Variants in PACRG observed in about 807,000 individuals in gnomAD.
PACRG encodes parkin coregulated gene protein.
A neutral mutation model predicts 29.7 loss-of-function variants in PACRG; 29 were observed. That is an observed-to-expected ratio of 0.98 (90% CI 0.73 to 1.33). The LOEUF is 1.33. Ranked by LOEUF, PACRG falls within the 40% of genes most tolerant of loss-of-function variation. The pLI is 0.00. For missense variants in PACRG, 279 were observed against 316.2 expected (o/e 0.88, Z 0.89); for synonymous variants, 116 against 118.7 (o/e 0.98, Z 0.15).
At chr6:163,097,050 T>C (rs1335101147) in intron 4 of PACRG, among the ~76,000 whole-genome samples, 2 of 152,162 alleles carry the variant, frequency 1.3e-5, no homozygotes, top group African/African-American at 4.8e-5. Context: ...TCCTTGGCCC[T>C]CTCACATCAT....
chr6:163,197,035 G>C (rs1427689052), intron 4 of PACRG, among the ~76,000 whole-genome samples: 1 of 148,980 alleles, frequency 6.7e-6, no homozygotes, highest in African/African-American at 2.5e-5. Context: ...ATGAAGGAGG[G>C]AGAAAACTGA....
chr6:162,849,189 G>T (rs1291895698), intron 2 of PACRG, among the ~76,000 whole-genome samples: 1 of 152,074 alleles, frequency 6.6e-6, no homozygotes, highest in Non-Finnish European at 1.5e-5. Flanking sequence ...AAGAGTGAAG[G>T]GATGGTTAAA....
chr6:163,169,701 G>A (rs1778978810), intron 4 of PACRG, among the ~76,000 whole-genome samples: 1 of 152,230 alleles, frequency 6.6e-6, no homozygotes, highest in Admixed American at 6.5e-5. Context: ...GTGCTAGGAG[G>A]AGCTGGCCAG....
At chr6:162,785,305 AAGAAAT>A (rs971126503) in intron 1 of PACRG, among the ~76,000 whole-genome samples, 1 of 152,148 alleles carries the variant, frequency 6.6e-6, no homozygotes, top group Non-Finnish European at 1.5e-5. Flanking sequence ...ACTGCACAGA[AAGAAAT>A]AGATAAGTCT....
At chr6:162,873,206 T>TTGTG (rs35191237) in intron 2 of PACRG, among the ~76,000 whole-genome samples, 2,879 of 150,392 alleles carry the variant, frequency 0.019, 87 homozygotes, top group African/African-American at 0.066. Flanking sequence ...GTTTTTCTGT[T>TTGTG]TGTGTGTGTG....
At chr6:162,962,483 T>C (rs1464324932) in intron 2 of PACRG, among the ~76,000 whole-genome samples, 1 of 152,076 alleles carries the variant, frequency 6.6e-6, no homozygotes, top group African/African-American at 2.4e-5. Flanking sequence ...TGTGATAGCA[T>C]TTGGAAGTGG....
In PACRG at chr6:163,016,091, T is replaced by C. The variant is rs184944430; in HGVS notation, c.292-46059T>C. 5 of 152,326 alleles carry C rather than the reference T, an allele frequency of 3.3e-5. No individual in the cohort carries two copies. The East Asian group carries it at 9.7e-4, about 29-fold the overall frequency. The allele number at this position is 152,326 out of a possible 1,614,324, so 9.4% of individuals were successfully genotyped here. ...TCATTTTGTTGCAGGCATTAGGTGA[T>C]AATCTAGGAAGGTCTGGAGACAAGA... is the stretch of plus-strand genomic sequence containing the variant. On this transcript the variant is annotated intron_variant, in intron 2 of 4. Coordinates refer to ENST00000366888, the MANE Select transcript of PACRG (RefSeq NM_001080379.2).
intron 3 of PACRG, 71 bp downstream of exon 3, chr6:163,062,392 A>T (rs1401246067): frequency 3.4e-6 from 5 of 1,475,350 alleles, no homozygotes; most frequent in Non-Finnish European, 4.5e-6. Flanking sequence ...CTAATTAAGC[A>T]ATAAACCATG....
At chr6:162,805,632 G>A (rs895109075) in intron 1 of PACRG, among the ~76,000 whole-genome samples, 1 of 152,122 alleles carries the variant, frequency 6.6e-6, no homozygotes, top group African/African-American at 2.4e-5. Flanking sequence ...TTCAAAATTG[G>A]AGTCAATCTT....
rs143461814 is a variant in PACRG, at chr6:163,054,404, C to G, written c.292-7746C>G. On this transcript the variant is annotated intron_variant, in intron 2 of 4. Transcript: ENST00000366888. ...TCCACAGAACTCGAATATGCTGACA[C>G]CCTGATCTCCAACTTCCAGCCTCCA... is the stretch of plus-strand genomic sequence containing the variant. Among the ~76,000 whole-genome samples, 1,036 of 152,292 alleles carry G rather than the reference C, an allele frequency of 6.8e-3. 7 individuals carry two copies. Among genetic ancestry groups the G allele is most frequent in the Admixed American group, 0.011 (170 of 15,304 alleles).
intron 1 of PACRG, among the ~76,000 whole-genome samples, chr6:162,775,361 C>T (rs1311353484): frequency 6.6e-6 from 1 of 152,156 alleles, no homozygotes; most frequent in Non-Finnish European, 1.5e-5. Context: ...TCTGTGCTTA[C>T]CTGTTACTAG....
chr6:163,071,384 A>C (rs186834622), intron 3 of PACRG, among the ~76,000 whole-genome samples: 2 of 152,182 alleles, frequency 1.3e-5, no homozygotes, highest in African/African-American at 4.8e-5. Context: ...AATCAATAAG[A>C]GAAACTTTGG....
At chr6:162,888,541 C>A (rs1284394686) in intron 2 of PACRG, among the ~76,000 whole-genome samples, 1 of 152,180 alleles carries the variant, frequency 6.6e-6, no homozygotes, top group African/African-American at 2.4e-5. Context: ...TGGACTCTCT[C>A]TCCCTGGGTT....
chr6:162,973,529 G>A (rs1468607810), intron 2 of PACRG, among the ~76,000 whole-genome samples: 2 of 152,086 alleles, frequency 1.3e-5, no homozygotes, highest in Non-Finnish European at 2.9e-5. Context: ...AGCAAGCAAG[G>A]CAATTCTTTT....
At chr6:163,002,441 T>C (rs773075106) in intron 2 of PACRG, among the ~76,000 whole-genome samples, 4 of 152,080 alleles carry the variant, frequency 2.6e-5, no homozygotes, top group Non-Finnish European at 5.9e-5. Flanking sequence ...TGAAGAAAAA[T>C]CATTTGAACC....
rs1032404494 is a variant in PACRG, at chr6:162,887,495, G to C, written c.291+73214G>C. Among the ~76,000 whole-genome samples the C allele has an allele frequency of 2.0e-5, 3 of 152,238 alleles. No homozygotes were observed. In the East Asian group the frequency reaches 5.8e-4, roughly 29 times the overall value. ...ATGTGACCACAGATGTTTTGGTATC[G>C]TATTGCATGTGATTTCTGTAGCTGT... On this transcript the variant is annotated intron_variant, in intron 2 of 4. Coordinates refer to ENST00000366888, the MANE Select transcript of PACRG (RefSeq NM_001080379.2).
At chr6:162,781,748 G>A (rs1046601215) in intron 1 of PACRG, among the ~76,000 whole-genome samples, 40 of 151,056 alleles carry the variant, frequency 2.6e-4, no homozygotes, top group African/African-American at 9.0e-4. Flanking sequence ...AGTGAACCGC[G>A]AAAATAACCA....
chr6:162,824,316 C>T (rs572074968), intron 2 of PACRG, among the ~76,000 whole-genome samples: 11 of 152,170 alleles, frequency 7.2e-5, no homozygotes, highest in South Asian at 2.1e-4. Context: ...TGTTTCTGAC[C>T]GGGCCAGGAA....
chr6:163,130,834 G>A (rs1426527992), intron 4 of PACRG, among the ~76,000 whole-genome samples: 1 of 152,190 alleles, frequency 6.6e-6, no homozygotes, highest in African/African-American at 2.4e-5. Context: ...ACGTTACTGG[G>A]CCAGAAGCAC....
Sources: allele counts gnomAD v4.1 joint callset (sites outside exome capture counted in the v4.1 genomes callset), GRCh38; gene constraint gnomAD v4.1.1; transcripts MANE v1.5; gene names NCBI Gene and HGNC (gene_info 2026-07-23, HGNC 2026-07-21).